NRCAM: variants seen among roughly 807,000 people sequenced by gnomAD.
NRCAM encodes the protein neuronal cell adhesion molecule.
NRCAM carries 83 observed loss-of-function variants against 156.5 expected under a neutral mutation model. That is an observed-to-expected ratio of 0.53 (90% CI 0.44 to 0.64). The LOEUF (loss-of-function observed/expected upper bound fraction) is 0.64. NRCAM is among the 30% of genes least tolerant of loss of function. The pLI is 0.00. For synonymous variants in NRCAM, 538 were observed against 563.9 expected (o/e 0.95, Z 0.65); for missense variants, 1,417 against 1,597.3 (o/e 0.89, Z 1.92).
At chr7:108,178,258 C>T in intron 25 of NRCAM, 146 bp from the exon 26 acceptor site, 1 of 674,322 alleles carries the variant, frequency 1.5e-6, no homozygotes, top group Non-Finnish European at 2.5e-6. Flanking sequence ...TAGTACAAAC[C>T]TGTGACAGGC....
At chr7:108,411,219 T>C (rs1415568152) in intron 1 of NRCAM, among the ~76,000 whole-genome samples, 1 of 152,200 alleles carries the variant, frequency 6.6e-6, no homozygotes, top group Non-Finnish European at 1.5e-5. Context: ...TATCTTTTTT[T>C]TTCTTAAGCA....
chr7:108,248,761 A>G (rs1308835947), intron 3 of NRCAM, among the ~76,000 whole-genome samples: 1 of 152,214 alleles, frequency 6.6e-6, no homozygotes, highest in Non-Finnish European at 1.5e-5. Context: ...GACCAGAAGT[A>G]GTCAATGACT....
rs200985684 is a variant in NRCAM at position 108,269,203 on chromosome 7, T to TA, written c.-106-29034dup. Among the ~76,000 whole-genome samples, 1,300 of 151,658 alleles carry TA rather than the reference T, an allele frequency of 8.6e-3. 20 individuals are homozygous for TA. Among genetic ancestry groups the TA allele is most frequent in the African/African-American group, 0.03 (1,248 of 41,386 alleles). On this transcript the variant is annotated intron_variant, in intron 3 of 32. Transcript: ENST00000379028. ...AGAAAAAAGAAACTCAACAGTAATG[T>TA]AAAATAGCCATTTGAACAAAATAAC...
intron 27 of NRCAM, 92 bp from the exon 28 acceptor site, chr7:108,175,449 TGC>T (rs1563260071): frequency 6.3e-6 from 7 of 1,105,282 alleles, no homozygotes; most frequent in Non-Finnish European, 5.2e-6. Context: ...CTTATTAAAA[TGC>T]TAAAGCATGC....
chr7:108,375,493 A>C (rs1198939441), intron 2 of NRCAM, among the ~76,000 whole-genome samples: 2 of 152,204 alleles, frequency 1.3e-5, no homozygotes, highest in African/African-American at 2.4e-5. Flanking sequence ...ATTTAAGACT[A>C]CTCAGGAAAA....
chr7:108,356,994 C>T (rs1166774841), intron 2 of NRCAM, among the ~76,000 whole-genome samples: 1 of 152,136 alleles, frequency 6.6e-6, no homozygotes, highest in African/African-American at 2.4e-5. Context: ...TATTCTCTGC[C>T]ATGCAAGGAT....
intron 1 of NRCAM, among the ~76,000 whole-genome samples, chr7:108,423,974 C>G (rs1383832677): frequency 6.6e-6 from 1 of 152,260 alleles, no homozygotes; most frequent in Non-Finnish European, 1.5e-5. Flanking sequence ...GTTAATACCA[C>G]TGTCATCCCC....
chr7:108,319,799 A>G (rs548792871), intron 2 of NRCAM, among the ~76,000 whole-genome samples: 1 of 152,306 alleles, frequency 6.6e-6, no homozygotes, highest in Admixed American at 6.5e-5. Flanking sequence ...CAAAATGAGA[A>G]GAAGAAAAGC....
intron 1 of NRCAM, among the ~76,000 whole-genome samples, chr7:108,426,572 T>TG (rs1817538798): frequency 6.6e-6 from 1 of 152,148 alleles, no homozygotes. Context: ...AGGTCTAAGA[T>TG]GGGGGTGAAA....
intron 2 of NRCAM, among the ~76,000 whole-genome samples, chr7:108,337,154 T>A (rs1192889122): frequency 6.6e-6 from 1 of 151,652 alleles, no homozygotes; most frequent in Non-Finnish European, 1.5e-5. Context: ...TCCCAGCTAC[T>A]CAGGTAGGTA....
intron 2 of NRCAM, among the ~76,000 whole-genome samples, chr7:108,351,348 A>T (rs1451086668): frequency 6.6e-6 from 1 of 152,192 alleles, no homozygotes; most frequent in African/African-American, 2.4e-5. Flanking sequence ...CTATTATAGC[A>T]ACACAAAATG....
chr7:108,200,032 A>C (rs922860103), intron 13 of NRCAM, among the ~76,000 whole-genome samples: 8 of 152,222 alleles, frequency 5.3e-5, no homozygotes, highest in African/African-American at 1.9e-4. Context: ...TGGACTGATT[A>C]ACGTCTTCAT....
Position 108,148,742 on chromosome 7 carries a change from T to C in NRCAM, c.*1168A>G, listed in dbSNP as rs530994357. The C allele has an allele frequency of 4.6e-5, 7 of 152,748 alleles. No individual in the cohort carries two copies. Among genetic ancestry groups the C allele is most frequent in the African/African-American group, 1.7e-4 (7 of 41,572 alleles). The allele number at this position is 152,748 out of a possible 1,614,324, so 9.5% of individuals were successfully genotyped here. ...TTACTGTTGGCATGCTGTTGTATGCTTTTAGTGTTGGAATAACTTAGTTTT... is the reference window on the plus strand; with the variant it reads ...TTACTGTTGGCATGCTGTTGTATGCCTTTAGTGTTGGAATAACTTAGTTTT... On this transcript the variant is annotated 3_prime_UTR_variant, in exon 33 of 33. Coordinates refer to ENST00000379028, the MANE Select transcript of NRCAM (RefSeq NM_001037132.4).
At chr7:108,177,653 A>ATGTATATACGTG (rs2061317945) in intron 26 of NRCAM, among the ~76,000 whole-genome samples, 1 of 16,416 alleles carries the variant, frequency 6.1e-5, no homozygotes, top group African/African-American at 1.1e-4. Context: ...ATATATATAT[A>ATGTATATACGTG]TATATATGTA....
chr7:108,371,064 A>G (rs572898004), intron 2 of NRCAM, among the ~76,000 whole-genome samples: 1 of 152,270 alleles, frequency 6.6e-6, no homozygotes, highest in African/African-American at 2.4e-5. Flanking sequence ...TCCTATAAAA[A>G]CAAAATTTGT....
chr7:108,398,399 T>C (rs751883510), intron 2 of NRCAM, among the ~76,000 whole-genome samples: 5 of 152,176 alleles, frequency 3.3e-5, no homozygotes, highest in Admixed American at 2.0e-4. Flanking sequence ...CTCTCCCCCA[T>C]ATAATTACAA....
chr7:108,188,584 G>A (rs1400951286), intron 20 of NRCAM, among the ~76,000 whole-genome samples: 1 of 151,552 alleles, frequency 6.6e-6, no homozygotes, highest in Non-Finnish European at 1.5e-5. Context: ...GAATGAATGA[G>A]TAAATGAATG....
intron 20 of NRCAM, among the ~76,000 whole-genome samples, chr7:108,186,251 G>A (rs1354785763): frequency 6.6e-6 from 1 of 152,196 alleles, no homozygotes; most frequent in East Asian, 1.9e-4. Context: ...ATAAATGGAT[G>A]ACTTTCATGT....
intron 28 of NRCAM, among the ~76,000 whole-genome samples, chr7:108,172,026 G>T (rs1443371391): frequency 6.6e-6 from 1 of 152,226 alleles, no homozygotes; most frequent in Admixed American, 6.5e-5. Flanking sequence ...ATAGTAGGCT[G>T]CAAGTTAGGT....
Sources: allele counts gnomAD v4.1 joint callset (sites outside exome capture counted in the v4.1 genomes callset), GRCh38; gene constraint gnomAD v4.1.1; transcripts MANE v1.5; gene names NCBI Gene and HGNC (gene_info 2026-07-23, HGNC 2026-07-21).